PEAK1: variants seen among roughly 807,000 people sequenced by gnomAD.
The protein encoded by PEAK1 is inactive tyrosine-protein kinase PEAK1.
A neutral mutation model predicts 124.7 loss-of-function variants in PEAK1; 54 were observed. That is an observed-to-expected ratio of 0.43 (90% CI 0.35 to 0.54). The LOEUF (loss-of-function observed/expected upper bound fraction) is 0.54, where lower values mean the gene tolerates loss of function less well. Among genes scored for constraint, PEAK1 ranks in the 20% least tolerant of loss-of-function variants. PEAK1 has a pLI of 0.01. For missense variants in PEAK1, 2,046 were observed against 2,134.5 expected, an observed-to-expected ratio of 0.96 and a Z score of 0.82; for synonymous variants, 719 against 760.0, an observed-to-expected ratio of 0.95 and a Z score of 0.89.
In PEAK1 at chr15:77,187,340, T is replaced by C. The variant is rs185785944; in HGVS notation, c.-114-5300A>G. On this transcript the variant is annotated intron_variant, in intron 6 of 9. Coordinates refer to ENST00000682557, the MANE Select transcript of PEAK1 (RefSeq NM_001385026.1). Reference sequence around the variant, plus strand: ...ACAGCTTTTTAAGAACCTATTACTGTTTTTTATTCTCTCTACTGCCATACA... The same window carrying C: ...ACAGCTTTTTAAGAACCTATTACTGCTTTTTATTCTCTCTACTGCCATACA... Among the ~76,000 whole-genome samples the C allele has an allele frequency of 1.8e-4, 27 of 152,304 alleles. No homozygotes were observed. The East Asian group carries it at 4.6e-3, about 26-fold the overall frequency.
chr15:77,318,194 T>C (rs1482484143), intron 2 of PEAK1, among the ~76,000 whole-genome samples: 2 of 152,068 alleles, frequency 1.3e-5, no homozygotes, highest in East Asian at 3.9e-4. Context: ...CACAAATGTA[T>C]ATAAACTAGT....
intron 6 of PEAK1, among the ~76,000 whole-genome samples, chr15:77,250,166 CAT>C (rs1240589011): frequency 3.0e-5 from 4 of 131,788 alleles, no homozygotes; most frequent in Admixed American, 1.6e-4. Context: ...CATATATATA[CAT>C]ATATATGTAT....
intron 6 of PEAK1, among the ~76,000 whole-genome samples, chr15:77,235,676 T>C (rs888335772): frequency 2.0e-5 from 3 of 152,208 alleles, no homozygotes; most frequent in African/African-American, 7.2e-5. Flanking sequence ...CAGCTGAATG[T>C]TAATCACCAA....
intron 6 of PEAK1, among the ~76,000 whole-genome samples, chr15:77,218,477 T>G (rs1322992385): frequency 2.6e-5 from 4 of 152,064 alleles, no homozygotes; most frequent in Non-Finnish European, 4.4e-5. Context: ...AACCCTGGGA[T>G]GATTTTATTA....
At chr15:77,242,565 G>A (rs1211193329) in intron 6 of PEAK1, among the ~76,000 whole-genome samples, 1 of 152,090 alleles carries the variant, frequency 6.6e-6, no homozygotes, top group Non-Finnish European at 1.5e-5. Context: ...TAACAAAGGT[G>A]GCATGAAAGG....
intron 8 of PEAK1, among the ~76,000 whole-genome samples, chr15:77,148,199 T>G (rs1022582018): frequency 6.6e-6 from 1 of 152,158 alleles, no homozygotes; most frequent in Non-Finnish European, 1.5e-5. Context: ...ACAACTCCTA[T>G]TGCACCACAG....
chr15:77,158,671 CCT>C lies in PEAK1; in HGVS notation c.3161_3162del (p.Glu1054GlyfsTer30). 1 of 1,614,086 alleles carries C rather than the reference CCT, an allele frequency of 6.2e-7. No homozygotes were observed. Among genetic ancestry groups the C allele is most frequent in the Non-Finnish European group, 8.5e-7 (1 of 1,179,946 alleles). ...ILSHMTHEVT[E>X]DFSPRDPRTV... Reference sequence around the variant, plus strand: ...GTTCTTGGATCCCGAGGAGAAAAATCCTCTGTTACTTCATGGGTCATGTGACT... The same window carrying C: ...GTTCTTGGATCCCGAGGAGAAAAATCCTGTTACTTCATGGGTCATGTGACT... On this transcript the variant is annotated frameshift_variant, in exon 8 of 10. Transcript: ENST00000682557. LOFTEE classifies it high-confidence loss of function.
chr15:77,232,457 G>C (rs78016049), intron 6 of PEAK1, among the ~76,000 whole-genome samples: 2 of 152,182 alleles, frequency 1.3e-5, no homozygotes, highest in South Asian at 2.1e-4. Context: ...TTTGAGATAA[G>C]AGTTTCACCA....
intron 2 of PEAK1, among the ~76,000 whole-genome samples, chr15:77,314,462 C>A (rs1477105077): frequency 6.6e-6 from 1 of 151,946 alleles, no homozygotes; most frequent in Non-Finnish European, 1.5e-5. Context: ...TCTGCCTCCC[C>A]GGGTTCAAGC....
intron 6 of PEAK1, among the ~76,000 whole-genome samples, chr15:77,249,458 C>G (rs1169395905): frequency 1.3e-5 from 2 of 152,154 alleles, no homozygotes; most frequent in Non-Finnish European, 2.9e-5. Context: ...ATCTAAATTT[C>G]TAGTTGTGCA....
At position 77,115,233 on chromosome 15, in the gene PEAK1, C is replaced by T. The variant is rs1361902253; in HGVS notation, c.4164G>A (p.Gln1388=). ...RQSLAVHFNI[Q]QDCGHFLAEV... is the part of the protein sequence containing the mutation. ...CAGCAAGGAAATGACCACAGTCCTG[C>T]TGAATGTTAAAATGGACAGCCAGAC... The change falls in exon 10 of 10, where the codon CAG becomes CAA. Residue 1388 remains glutamine (Q), a synonymous_variant. Coordinates refer to ENST00000682557, the MANE Select transcript of PEAK1 (RefSeq NM_001385026.1). The T allele has an allele frequency of 1.2e-5, 20 of 1,614,088 alleles. No homozygotes were observed. Among genetic ancestry groups the T allele is most frequent in the Non-Finnish European group, 1.7e-5 (20 of 1,180,034 alleles).
At chr15:77,243,334 T>G (rs752626601) in intron 6 of PEAK1, among the ~76,000 whole-genome samples, 1 of 152,238 alleles carries the variant, frequency 6.6e-6, no homozygotes, top group Non-Finnish European at 1.5e-5. Flanking sequence ...TATCATAAGC[T>G]CCTGTTTTGA....
chr15:77,317,004 C>G (rs983053610), intron 2 of PEAK1, among the ~76,000 whole-genome samples: 1 of 152,104 alleles, frequency 6.6e-6, no homozygotes. Flanking sequence ...TTGCTTGAAC[C>G]CAGGAGGTGG....
intron 2 of PEAK1, among the ~76,000 whole-genome samples, chr15:77,359,285 T>A (rs1338937580): frequency 1.3e-5 from 2 of 151,434 alleles, no homozygotes; most frequent in African/African-American, 4.9e-5. Flanking sequence ...AAAAAATATA[T>A]AAAAATAAGC....
At chr15:77,255,430 T>G (rs2061081418) in intron 5 of PEAK1, 1 of 942,724 alleles carries the variant, frequency 1.1e-6, no homozygotes, top group Admixed American at 6.2e-5. Flanking sequence ...CTCCCTGCAT[T>G]AGAAAAGAAA....
chr15:77,389,745 T>C (rs1172162003), intron 1 of PEAK1, among the ~76,000 whole-genome samples: 8 of 152,160 alleles, frequency 5.3e-5, no homozygotes, highest in African/African-American at 1.4e-4. Context: ...AAGGCTAGAA[T>C]ACAAACACGG....
At chr15:77,271,885 C>G (rs1597040438) in intron 5 of PEAK1, among the ~76,000 whole-genome samples, 1 of 152,014 alleles carries the variant, frequency 6.6e-6, no homozygotes, top group East Asian at 1.9e-4. Flanking sequence ...ACATATGTAA[C>G]AAACCTGCAC....
chr15:77,395,431 G>T (rs2070801801), intron 1 of PEAK1, among the ~76,000 whole-genome samples: 1 of 151,956 alleles, frequency 6.6e-6, no homozygotes, highest in African/African-American at 2.4e-5. Flanking sequence ...CTAGAGAAAG[G>T]TATCAATATT....
chr15:77,208,481 T>A (rs117997239), intron 6 of PEAK1, among the ~76,000 whole-genome samples: 1,599 of 152,280 alleles, frequency 0.011, 16 homozygotes, highest in Non-Finnish European at 0.017. Flanking sequence ...ATACCGTCAC[T>A]CTCAGTATTG....
Sources: allele counts gnomAD v4.1 joint callset (sites outside exome capture counted in the v4.1 genomes callset), GRCh38; gene constraint gnomAD v4.1.1; transcripts MANE v1.5; gene names NCBI Gene and HGNC (gene_info 2026-07-23, HGNC 2026-07-21).